The following MIER1 variants were observed in gnomAD, a reference collection of about 807,000 sequenced individuals.
MIER1 encodes MIER1 transcriptional regulator.
A neutral mutation model predicts 75.7 loss-of-function variants in MIER1; 40 were observed. That is an observed-to-expected ratio of 0.53 (90% CI 0.41 to 0.69). The LOEUF (loss-of-function observed/expected upper bound fraction) is 0.69. Among genes scored for constraint, MIER1 ranks in the 30% least tolerant of loss-of-function variants. MIER1 has a pLI of 0.00. For missense variants in MIER1, 574 were observed against 680.2 expected (o/e 0.84, Z 1.74); for synonymous variants, 213 against 223.4 (o/e 0.95, Z 0.42).
chr1:66,961,387 A>G (rs1234918471), intron 7 of MIER1, among the ~76,000 whole-genome samples: 2 of 152,198 alleles, frequency 1.3e-5, no homozygotes, highest in Non-Finnish European at 2.9e-5. Context: ...GGGAATAACA[A>G]TGTCAGCCTT....
At chr1:66,930,132 G>A (rs1032863523) in intron 2 of MIER1, 18 of 1,075,090 alleles carry the variant, frequency 1.7e-5, no homozygotes, top group Non-Finnish European at 1.6e-5. Flanking sequence ...GCTGGCCGCG[G>A]GGCCGCGCGC....
chr1:66,933,015 A>G (rs1036362079), intron 2 of MIER1, among the ~76,000 whole-genome samples: 12 of 152,102 alleles, frequency 7.9e-5, no homozygotes, highest in African/African-American at 2.7e-4. Context: ...TTGGTTCTTC[A>G]GTTGTGATAA....
intron 12 of MIER1, among the ~76,000 whole-genome samples, chr1:66,978,831 C>T (rs1054282290): frequency 6.6e-6 from 1 of 152,178 alleles, no homozygotes; most frequent in Non-Finnish European, 1.5e-5. Flanking sequence ...TCAAGATCAA[C>T]AGGTTAGGTA....
Position 66,976,683 on chromosome 1 carries a change from G to A in MIER1, c.1190G>A (p.Arg397Gln), listed in dbSNP as rs1056922549. 1.2e-6 allele frequency: 2 copies of A among 1,605,468 alleles called. No homozygotes were observed. Among genetic ancestry groups the A allele is most frequent in the Non-Finnish European group, 8.5e-7 (1 of 1,176,158 alleles). Residue 397 changes from arginine to glutamine, a missense_variant, in exon 12 of 14, where the codon CGA (arginine) becomes CAA (glutamine). Around this residue, in one of 3 missense-constraint regions of MIER1, gnomAD observed 101 missense variants for 173.1 expected, o/e 0.58. Transcript: ENST00000401041. ...ERYDFFAQQT[R>Q]FGKKKYNLHP... ...TATGATTTCTTTGCTCAGCAAACACGATTTGGAAAGAAGAAATATAATCTT... is the reference window on the plus strand; with the variant it reads ...TATGATTTCTTTGCTCAGCAAACACAATTTGGAAAGAAGAAATATAATCTT...
chr1:66,975,518 A>T (rs1448073032), intron 11 of MIER1, among the ~76,000 whole-genome samples: 1 of 148,350 alleles, frequency 6.7e-6, no homozygotes, highest in African/African-American at 2.5e-5. Context: ...AGAGCATGAC[A>T]CTATCTCAAA....
chr1:66,964,610 G>A (rs904474226), intron 8 of MIER1, among the ~76,000 whole-genome samples: 6 of 151,748 alleles, frequency 4.0e-5, no homozygotes, highest in African/African-American at 9.7e-5. Flanking sequence ...GCGCCACCAC[G>A]CCCAGCTAAT....
At chr1:66,957,589 T>G (rs1366486713) in intron 4 of MIER1, among the ~76,000 whole-genome samples, 4 of 125,682 alleles carry the variant, frequency 3.2e-5, no homozygotes, top group Admixed American at 8.1e-5. Flanking sequence ...TTGTTTGTGT[T>G]TTTTTTTTTT....
chr1:66,940,269 T>C (rs1271644726), intron 3 of MIER1: 1 of 264,220 alleles, frequency 3.8e-6, no homozygotes, highest in Non-Finnish European at 6.4e-6. Context: ...TTTTGGGTTT[T>C]CTTTTTTTTT....
chr1:66,962,973 T>G (rs1661560477), intron 7 of MIER1, 115 bp from the exon 8 acceptor site: 2 of 655,262 alleles, frequency 3.1e-6, no homozygotes, highest in Non-Finnish European at 5.2e-6. Flanking sequence ...AATTGGTTGT[T>G]TTTGTATTTT....
intron 8 of MIER1, among the ~76,000 whole-genome samples, chr1:66,964,746 C>T (rs539451857): frequency 1.3e-5 from 2 of 152,304 alleles, no homozygotes; most frequent in Admixed American, 1.3e-4. Context: ...GCCACTGCAC[C>T]TGGCCGTATG....
intron 4 of MIER1, 29 bp downstream of exon 4, chr1:66,946,324 A>G (rs772229160): frequency 6.5e-7 from 1 of 1,546,640 alleles, no homozygotes; most frequent in Non-Finnish European, 8.7e-7. Context: ...TAGGGTATGA[A>G]TTGGTTATGA....
intron 8 of MIER1, among the ~76,000 whole-genome samples, chr1:66,966,730 A>T (rs1298059004): frequency 6.6e-6 from 1 of 152,174 alleles, no homozygotes; most frequent in Non-Finnish European, 1.5e-5. Flanking sequence ...TTGCCATTCT[A>T]ACGGTTGTGA....
Position 66,970,798 on chromosome 1 carries a change from A to G in MIER1, c.773-10A>G. The G allele has an allele frequency of 6.5e-7, 1 of 1,530,790 alleles. No individual in the cohort carries two copies. The highest frequency in any genetic ancestry group is 2.4e-5 in the East Asian group (1 of 42,258). 94.8% of individuals were successfully genotyped at this position (1,530,790 alleles called of 1,614,324 possible). A position where few individuals can be genotyped will look rare whatever the true frequency, so the allele number is the denominator to read the frequency against. On this transcript the variant is annotated splice_polypyrimidine_tract_variant and intron_variant, in intron 8 of 13. Coordinates refer to ENST00000401041, the MANE Select transcript of MIER1 (RefSeq NM_001077700.3). ...AGAAATTTGTTTAACATTGTCTTTT[A>G]CTAATTTAGTATATGAAAATGATGA...
At chr1:66,941,311 A>G (rs963021185) in intron 3 of MIER1, among the ~76,000 whole-genome samples, 3 of 151,908 alleles carry the variant, frequency 2.0e-5, no homozygotes, top group African/African-American at 7.3e-5. Context: ...CTGAAACTCA[A>G]TTTTTTTTGA....
chr1:66,940,140 T>G (rs1655847561), intron 3 of MIER1, 88 bp downstream of exon 3: 2 of 931,784 alleles, frequency 2.1e-6, no homozygotes, highest in Admixed American at 4.3e-5. Context: ...TAGACTATTA[T>G]CTGACTTGCT....
rs1279029246 is a variant in MIER1 at position 66,928,162 on chromosome 1, C to T, written c.168+1920C>T. Among the ~76,000 whole-genome samples the T allele has an allele frequency of 8.6e-5, 13 of 151,814 alleles. No individual in the cohort carries two copies. In the South Asian group the frequency reaches 2.1e-3, roughly 24 times the overall value. The stretch of plus-strand genomic sequence containing the variant: ...GGAAAAATGTAGAGAGTTTTTTTCC[C>T]TCAATAATAATAATACCATTTAAAA... On this transcript the variant is annotated intron_variant, in intron 2 of 13. Coordinates refer to ENST00000401041, the MANE Select transcript of MIER1 (RefSeq NM_001077700.3).
chr1:66,946,179 T>C lies in MIER1; in HGVS notation c.223T>C (p.Phe75Leu). Residue 75 changes from phenylalanine to leucine, a missense_variant, in exon 4 of 14, where the codon TTT becomes CTT. Physicochemically the swap from Phe to Leu is conservative, Grantham distance 22. Coordinates refer to ENST00000401041, the MANE Select transcript of MIER1 (RefSeq NM_001077700.3). ...TTCAGCAACATCAGATGACCATGAATTTGATCCATCAGCTGACATGCTGGT... is the reference window on the plus strand; with the variant it reads ...TTCAGCAACATCAGATGACCATGAACTTGATCCATCAGCTGACATGCTGGT... Reference protein sequence around the residue: ...GGSATSDDHEFDPSADMLVHD... With the variant: ...GGSATSDDHELDPSADMLVHD... 1 of 1,610,970 alleles carries C rather than the reference T, an allele frequency of 6.2e-7. No individual in the cohort carries two copies. Among genetic ancestry groups the C allele is most frequent in the South Asian group, 1.1e-5 (1 of 90,216 alleles).
chr1:66,943,166 C>CT (rs1656659856), intron 3 of MIER1, among the ~76,000 whole-genome samples: 2 of 151,990 alleles, frequency 1.3e-5, no homozygotes. Flanking sequence ...CAGAAGATTG[C>CT]TGGGTGAACT....
rs1666632148 is a variant in MIER1, at chr1:66,985,278, GT to G, written c.*381del. On this transcript the variant is annotated 3_prime_UTR_variant, in exon 14 of 14. Coordinates refer to ENST00000401041, the MANE Select transcript of MIER1 (RefSeq NM_001077700.3). ...TTCACTACAAGGTAATTTTTGCTTAGTTTGATGGATGAATGGGAAACTCAAG... is the reference window on the plus strand; with the variant it reads ...TTCACTACAAGGTAATTTTTGCTTAGTTGATGGATGAATGGGAAACTCAAG... 1.0e-6 allele frequency: 1 copy of G among 983,434 alleles called. No homozygotes were observed. The highest frequency in any genetic ancestry group is 6.1e-5 in the Admixed American group (1 of 16,262). The allele number at this position is 983,434 out of a possible 1,614,324, so 60.9% of individuals were successfully genotyped here.
Sources: gnomAD v4.1 joint callset for allele counts (sites outside exome capture counted in the v4.1 genomes callset) on GRCh38, gnomAD v4.1.1 for gene constraint, gnomAD v4.1.1 regional missense constraint, MANE v1.5 for transcripts, NCBI Gene and HGNC (gene_info 2026-07-23, HGNC 2026-07-21) for gene names.